Variants in PHTF2 observed in about 807,000 individuals in gnomAD.
PHTF2 encodes the protein protein PHTF2.
PHTF2 carries 60 observed loss-of-function variants against 101.2 expected under a neutral mutation model. The observed-to-expected ratio is 0.59, with a 90% confidence interval of 0.48 to 0.73. The LOEUF (loss-of-function observed/expected upper bound fraction) is 0.73. Among genes scored for constraint, PHTF2 ranks in the 30% least tolerant of loss-of-function variants. PHTF2 has a pLI of 0.00. For synonymous variants in PHTF2, 311 were observed against 307.3 expected (o/e 1.01, Z -0.13); for missense variants, 747 against 908.7 (o/e 0.82, Z 2.29).
At chr7:77,836,894 A>G (rs1052871187) in intron 1 of PHTF2, among the ~76,000 whole-genome samples, 9 of 151,600 alleles carry the variant, frequency 5.9e-5, no homozygotes, top group Admixed American at 5.9e-4. Flanking sequence ...GCAGCAAACC[A>G]CCATTGCACG....
chr7:77,836,676 G>C (rs191832876), intron 1 of PHTF2, among the ~76,000 whole-genome samples: 2 of 152,152 alleles, frequency 1.3e-5, no homozygotes, highest in Non-Finnish European at 2.9e-5. Flanking sequence ...CAGGGACATG[G>C]ATGATGCTGG....
At position 77,826,334 on chromosome 7, in the gene PHTF2, C is replaced by T. The variant is rs572168638; in HGVS notation, c.-35-13887C>T. ...GAAGTTGTCAACCAGAAGTATTATA[C>T]CCAACAGTATCAGTTAGATTTCTTT... On this transcript the variant is annotated intron_variant, in intron 1 of 19. Coordinates refer to ENST00000416283, the Ensembl canonical transcript of PHTF2. Among the ~76,000 whole-genome samples the T allele has an allele frequency of 7.9e-5, 12 of 152,210 alleles. No homozygotes were observed. In the East Asian group the frequency reaches 2.3e-3, roughly 29 times the overall value.
At chr7:77,898,855 A>G (rs1404109110) in intron 5 of PHTF2, among the ~76,000 whole-genome samples, 1 of 151,948 alleles carries the variant, frequency 6.6e-6, no homozygotes, top group African/African-American at 2.4e-5. Context: ...CTGGAGTGCA[A>G]TGGTGTGACC....
At chr7:77,899,699 C>A (rs1584642374) in intron 5 of PHTF2, among the ~76,000 whole-genome samples, 1 of 152,280 alleles carries the variant, frequency 6.6e-6, no homozygotes, top group African/African-American at 2.4e-5. Flanking sequence ...TAGATTCAAA[C>A]AGAATACTTA....
At chr7:77,927,824 A>T (rs1029350287) in intron 11 of PHTF2, among the ~76,000 whole-genome samples, 2 of 152,250 alleles carry the variant, frequency 1.3e-5, no homozygotes, top group Admixed American at 6.5e-5. Context: ...AGCCATGCTT[A>T]GGGGCTCAGA....
intron 1 of PHTF2, among the ~76,000 whole-genome samples, chr7:77,833,306 AGAT>A (rs1450378900): frequency 3.3e-5 from 5 of 152,226 alleles, no homozygotes; most frequent in African/African-American, 9.6e-5. Flanking sequence ...ACATATGAGA[AGAT>A]GATGAGCAAT....
intron 1 of PHTF2, among the ~76,000 whole-genome samples, chr7:77,838,450 G>A (rs1401208038): frequency 1.3e-5 from 2 of 152,120 alleles, no homozygotes; most frequent in Non-Finnish European, 2.9e-5. Context: ...CTGATTGCAT[G>A]TATTTCTCCT....
chr7:77,945,267 GGCAGAAGT>G (rs1190214662), intron 16 of PHTF2, among the ~76,000 whole-genome samples: 3 of 152,192 alleles, frequency 2.0e-5, no homozygotes, highest in African/African-American at 7.2e-5. Context: ...GAACCTGGGA[GGCAGAAGT>G]TGCAGTGAGC....
chr7:77,946,742 C>T (rs116798754), intron 16 of PHTF2, among the ~76,000 whole-genome samples: 3,163 of 152,006 alleles, frequency 0.021, 87 homozygotes, highest in African/African-American at 0.071. Flanking sequence ...AGCTATGGGG[C>T]GAGACAGACA....
chr7:77,879,166 TACTTA>T (rs758891908), intron 3 of PHTF2, among the ~76,000 whole-genome samples: 12 of 152,244 alleles, frequency 7.9e-5, no homozygotes, highest in Non-Finnish European at 1.2e-4. Flanking sequence ...TATGCAATAG[TACTTA>T]ACTTGATTCG....
intron 3 of PHTF2, among the ~76,000 whole-genome samples, chr7:77,862,830 G>C (rs1004440739): frequency 6.6e-6 from 1 of 152,142 alleles, no homozygotes; most frequent in African/African-American, 2.4e-5. Flanking sequence ...ATTACTGTTG[G>C]CAGCCTAAAA....
intron 6 of PHTF2, among the ~76,000 whole-genome samples, chr7:77,901,337 A>G (rs1433737536): frequency 6.6e-6 from 1 of 152,220 alleles, no homozygotes; most frequent in African/African-American, 2.4e-5. Flanking sequence ...AAAAGAGAGA[A>G]TGGGACCAGG....
intron 1 of PHTF2, among the ~76,000 whole-genome samples, chr7:77,834,784 T>C (rs1795325683): frequency 6.6e-6 from 1 of 152,196 alleles, no homozygotes; most frequent in South Asian, 2.1e-4. Context: ...TCTGCTGTAC[T>C]TCCTGTACCA....
chr7:77,924,216 A>G (rs1003733947), intron 11 of PHTF2: 10 of 690,950 alleles, frequency 1.4e-5, no homozygotes, highest in African/African-American at 1.9e-5. Flanking sequence ...TTTTATTTAT[A>G]AATTTAAATT....
chr7:77,897,896 G>C (rs558017419), intron 5 of PHTF2, among the ~76,000 whole-genome samples: 1 of 151,706 alleles, frequency 6.6e-6, no homozygotes, highest in Non-Finnish European at 1.5e-5. Context: ...GGCTAGGCTG[G>C]TCTTGAACTC....
intron 1 of PHTF2, among the ~76,000 whole-genome samples, chr7:77,820,090 T>C (rs1475072682): frequency 1.3e-5 from 2 of 152,162 alleles, no homozygotes; most frequent in Non-Finnish European, 1.5e-5. Flanking sequence ...GGTTTCGCCA[T>C]GTTGGTCAGG....
intron 1 of PHTF2, among the ~76,000 whole-genome samples, chr7:77,800,435 A>G (rs1792443940): frequency 6.6e-6 from 1 of 152,154 alleles, no homozygotes; most frequent in African/African-American, 2.4e-5. Context: ...GGTGTTAGTG[A>G]GGTGGAGAGT....
chr7:77,838,734 T>C (rs945065032), intron 1 of PHTF2, among the ~76,000 whole-genome samples: 2 of 152,172 alleles, frequency 1.3e-5, no homozygotes, highest in African/African-American at 2.4e-5. Flanking sequence ...AGAGCTAATA[T>C]TTGAATTCAG....
At chr7:77,834,203 A>G (rs1795275799) in intron 1 of PHTF2, among the ~76,000 whole-genome samples, 1 of 149,648 alleles carries the variant, frequency 6.7e-6, no homozygotes, top group East Asian at 2.0e-4. Context: ...AGTCACAGCT[A>G]TTTTGGGGGC....
Sources: gnomAD v4.1 joint callset for allele counts (sites outside exome capture counted in the v4.1 genomes callset) on GRCh38, gnomAD v4.1.1 for gene constraint, MANE v1.5 for transcripts, NCBI Gene and HGNC (gene_info 2026-07-23, HGNC 2026-07-21) for gene names.